Variants in PCNT observed in about 807,000 individuals in gnomAD.
PCNT encodes kendrin.
Under a neutral mutation model 380.4 loss-of-function variants are expected in PCNT, and 319 were observed. The observed-to-expected ratio is 0.84, with a 90% CI of 0.77 to 0.92. The LOEUF is 0.92. PCNT is among the 40% of genes least tolerant of loss of function. The pLI is 0.00. For missense variants in PCNT, 4,400 were observed against 4,255.3 expected (o/e 1.03, Z -0.95); for synonymous variants, 1,845 against 1,735.2 (o/e 1.06, Z -1.57).
chr21:46,372,254 A>G (rs1209932297), intron 15 of PCNT, among the ~76,000 whole-genome samples: 2 of 151,780 alleles, frequency 1.3e-5, no homozygotes, highest in African/African-American at 2.4e-5. Flanking sequence ...CATACACAGC[A>G]CATGTGCACG....
In PCNT at chr21:46,391,315, G is replaced by T. The variant is rs765704637; in HGVS notation, c.4155G>T (p.Glu1385Asp). 2 of 1,565,618 alleles carry T rather than the reference G, an allele frequency of 1.3e-6. No individual in the cohort carries two copies. ...AAQEQAALRE[E>D]CTRLWSRGEA... ...AGGAGCAGGCGGCGCTGAGGGAGGA[G>T]TGCACCCGTCTGTGGAGTCGGGGGG... is the stretch of plus-strand genomic sequence containing the variant. Residue 1385 changes from glutamate to aspartate, a missense_variant, in exon 21 of 47, where the codon GAG becomes GAT. By Grantham distance (45) the Glu-to-Asp change is conservative. Transcript: ENST00000359568.
chr21:46,422,193 T>A, intron 32 of PCNT, 69 bp downstream of exon 32: 1 of 1,586,874 alleles, frequency 6.3e-7, no homozygotes, highest in Non-Finnish European at 8.6e-7. Context: ...AAGCCCTGTG[T>A]CCTGCCTTGC....
In PCNT at chr21:46,346,953, G is replaced by T. The variant is rs140196457; in HGVS notation, c.931G>T (p.Ala311Ser). The T allele has an allele frequency of 2.1e-5, 34 of 1,596,948 alleles. No individual in the cohort carries two copies. Among genetic ancestry groups the T allele is most frequent in the Non-Finnish European group, 2.8e-5 (33 of 1,173,914 alleles). ...GCTGGAGCTCCTCAGGGAGCAGCAC[G>T]CACGGGAGAAGGAGGAGGTGGTGCT... ...HELELLREQH[A>S]REKEEVVLRC... The change falls in exon 5 of 47, where the codon GCA becomes TCA. Residue 311 changes from alanine (A) to serine (S), a missense_variant. Transcript: ENST00000359568.
At chr21:46,385,215 G>A (rs1170087174) in intron 16 of PCNT, among the ~76,000 whole-genome samples, 1 of 152,142 alleles carries the variant, frequency 6.6e-6, no homozygotes, top group East Asian at 1.9e-4. Context: ...AATTAGCCGT[G>A]TGTGGTGGCA....
intron 15 of PCNT, among the ~76,000 whole-genome samples, chr21:46,375,745 A>G (rs2147066976): frequency 6.6e-6 from 1 of 152,232 alleles, no homozygotes; most frequent in East Asian, 1.9e-4. Context: ...TGACCTGCCC[A>G]GCCCTGCCCG....
Position 46,381,196 on chromosome 21 carries a change from C to CTG in PCNT, c.3166-450_3166-449dup, listed in dbSNP as rs10523538. On this transcript the variant is annotated intron_variant, in intron 15 of 46. Coordinates refer to ENST00000359568, the MANE Select transcript of PCNT (RefSeq NM_006031.6). ...TTCCAAAAAAAAAAAAAAAAAATCT[C>CTG]TGTGTGTGTGTGTGTGTGTGTGTGT... is the stretch of plus-strand genomic sequence containing the variant. Among the ~76,000 whole-genome samples, 121 of 122,236 alleles carry CTG rather than the reference C, an allele frequency of 9.9e-4. 1 individual carries two copies. Among genetic ancestry groups the CTG allele is most frequent in the Non-Finnish European group, 1.3e-3 (80 of 61,284 alleles). The allele number at this position is 122,236 out of a possible 152,430, so 80.2% of individuals were successfully genotyped here.
rs1265310036 is a variant in PCNT at position 46,384,525 on chromosome 21, C to T, written c.3313-1307C>T. Among the ~76,000 whole-genome samples the T allele has an allele frequency of 1.0e-4, 15 of 146,794 alleles. 1 individual carries two copies. Among genetic ancestry groups the T allele is most frequent in the Non-Finnish European group, 7.5e-5 (5 of 66,394 alleles). On this transcript the variant is annotated intron_variant, in intron 16 of 46. Coordinates refer to ENST00000359568, the MANE Select transcript of PCNT (RefSeq NM_006031.6). ...ACATTCAGTGACGGAAGAGCATTCA[C>T]GGTGTTGTGCGTTCAGTGGCGGAAG...
chr21:46,328,847 T>C (rs115800576), intron 2 of PCNT, among the ~76,000 whole-genome samples: 12,332 of 149,804 alleles, frequency 0.082, 633 homozygotes, highest in Middle Eastern at 0.12. Context: ...GCCCTCTGCT[T>C]CCTGCAACCT....
At chr21:46,391,111 C>T in intron 20 of PCNT, 53 bp from the exon 21 acceptor site, 1 of 1,496,522 alleles carries the variant, frequency 6.7e-7, no homozygotes, top group Non-Finnish European at 9.1e-7. Context: ...AGCAGGCTCT[C>T]CTCAGTTACA....
chr21:46,331,797 G>C (rs1004477981), intron 2 of PCNT, among the ~76,000 whole-genome samples: 5 of 152,024 alleles, frequency 3.3e-5, no homozygotes, highest in African/African-American at 4.8e-5. Flanking sequence ...ATAAAGCAAT[G>C]GTAGAAAGCA....
At chr21:46,382,050 C>T (rs1159485345) in intron 16 of PCNT, among the ~76,000 whole-genome samples, 13 of 131,102 alleles carry the variant, frequency 9.9e-5, no homozygotes, top group African/African-American at 2.2e-4. Flanking sequence ...ATGGCGGAAG[C>T]GCATTCACCA....
chr21:46,324,563 C>G (rs1490099734), intron 1 of PCNT, among the ~76,000 whole-genome samples: 7 of 71,802 alleles, frequency 9.7e-5, no homozygotes, highest in African/African-American at 4.3e-4. Flanking sequence ...GCGCCTGCGT[C>G]GGGGGGGGTG....
Position 46,353,929 on chromosome 21 carries a change from G to GGTTT in PCNT, c.1680-58_1680-57insGTTT, listed in dbSNP as rs2084375766. ...AGCAGTCGGTCCTGGGGAGGGAATG[G>GGTTT]CGCACACATGGAAAAGGGGTACGTG... On this transcript the variant is annotated intron_variant, in intron 10 of 46. Coordinates refer to ENST00000359568, the MANE Select transcript of PCNT (RefSeq NM_006031.6). 2.1e-6 allele frequency: 3 copies of GGTTT among 1,430,738 alleles called. No individual in the cohort carries two copies. The African/African-American group carries it at 4.2e-5, about 20-fold the overall frequency. The allele number at this position is 1,430,738 out of a possible 1,614,324, so 88.6% of individuals were successfully genotyped here.
chr21:46,445,489 G>C lies in PCNT; in HGVS notation c.*162G>C, dbSNP rs2053729606. ...ATTAAGTGTCCTCACCTTTATGCAT[G>C]ACTGCAAAGCCAGCTGGAGCATTTT... On this transcript the variant is annotated 3_prime_UTR_variant, in exon 47 of 47. Transcript: ENST00000359568. 2 of 699,062 alleles carry C rather than the reference G, an allele frequency of 2.9e-6. No homozygotes were observed. The highest frequency in any genetic ancestry group is 5.2e-6 in the Non-Finnish European group (2 of 382,508). 43.3% of individuals were successfully genotyped at this position (699,062 alleles called of 1,614,324 possible).
chr21:46,416,906 A>G (rs2087049777), intron 30 of PCNT, 67 bp downstream of exon 30: 1 of 1,515,206 alleles, frequency 6.6e-7, no homozygotes, highest in South Asian at 1.2e-5. Context: ...GCGCCACGGC[A>G]GCTGCCATTG....
intron 27 of PCNT, among the ~76,000 whole-genome samples, chr21:46,407,463 T>TC (rs2086654568): frequency 6.8e-6 from 1 of 146,866 alleles, no homozygotes; most frequent in African/African-American, 2.5e-5. Flanking sequence ...TGCCTCAGCC[T>TC]CCCGAGTAGC....
chr21:46,347,628 T>C, intron 6 of PCNT, 116 bp downstream of exon 6: 1 of 912,660 alleles, frequency 1.1e-6, no homozygotes, highest in Non-Finnish European at 1.8e-6. Flanking sequence ...CGAGGCTTTA[T>C]TAGAATATGC....
intron 38 of PCNT, among the ~76,000 whole-genome samples, chr21:46,433,882 C>T (rs999933196): frequency 6.6e-6 from 1 of 152,308 alleles, no homozygotes; most frequent in Non-Finnish European, 1.5e-5. Flanking sequence ...AGTGATTCTC[C>T]TGCCTCAGCC....
At chr21:46,432,977 A>G (rs1455764618) in intron 38 of PCNT, among the ~76,000 whole-genome samples, 1 of 151,972 alleles carries the variant, frequency 6.6e-6, no homozygotes, top group Admixed American at 6.6e-5. Flanking sequence ...TTCAAAATAT[A>G]AGTTTTATAC....
Sources: allele counts gnomAD v4.1 joint callset (sites outside exome capture counted in the v4.1 genomes callset), GRCh38; gene constraint gnomAD v4.1.1; transcripts MANE v1.5; gene names NCBI Gene and HGNC (gene_info 2026-07-23, HGNC 2026-07-21).